The following GAS2 variants were observed in gnomAD, a reference collection of about 807,000 sequenced individuals.
GAS2 encodes the protein growth arrest-specific protein 2.
In GAS2, 20 loss-of-function variants were observed where a neutral mutation model predicts 37.5. The ratio of observed to expected loss-of-function variants is 0.53; its 90% CI spans 0.37 to 0.77. The LOEUF (loss-of-function observed/expected upper bound fraction) is 0.77. Among genes scored for constraint, GAS2 ranks in the 30% least tolerant of loss-of-function variants. GAS2 has a pLI of 0.00. For synonymous variants in GAS2, 144 were observed against 132.2 expected (o/e 1.09, Z -0.61); for missense variants, 336 against 373.4 (o/e 0.90, Z 0.82).
chr11:22,750,921 T>C (rs909176112), intron 6 of GAS2, among the ~76,000 whole-genome samples: 13 of 151,952 alleles, frequency 8.6e-5, no homozygotes, highest in African/African-American at 3.1e-4. Flanking sequence ...GTCCCTCTTA[T>C]CCTCCTATTG....
At chr11:22,765,825 T>A (rs1312482424) in intron 7 of GAS2, among the ~76,000 whole-genome samples, 1 of 151,146 alleles carries the variant, frequency 6.6e-6, no homozygotes, top group Admixed American at 6.6e-5. Context: ...TTATAAAGAA[T>A]ATAGGTTTAA....
chr11:22,688,638 A>T (rs1185067611), intron 3 of GAS2, among the ~76,000 whole-genome samples: 1 of 152,124 alleles, frequency 6.6e-6, no homozygotes, highest in African/African-American at 2.4e-5. Context: ...AAAGAAAAGA[A>T]TTTTTTTCAG....
At chr11:22,799,022 A>C (rs1049940303) in intron 7 of GAS2, among the ~76,000 whole-genome samples, 3 of 152,070 alleles carry the variant, frequency 2.0e-5, no homozygotes, top group African/African-American at 7.2e-5. Context: ...TTTTCTCTCG[A>C]GTTATGATGG....
Position 22,802,208 on chromosome 11 carries a change from A to G in GAS2, c.724-9590A>G, listed in dbSNP as rs1590147791. Reference sequence around the variant, plus strand: ...TCATTCTGAGCAAACTATCACAAGGACAGAAAACCAAACACTGCATGTTCT... The same window carrying G: ...TCATTCTGAGCAAACTATCACAAGGGCAGAAAACCAAACACTGCATGTTCT... On this transcript the variant is annotated intron_variant, in intron 7 of 7. Transcript: ENST00000454584. 3.9e-5 allele frequency among the ~76,000 whole-genome samples: 6 copies of G among 152,160 alleles called. 1 individual carries two copies. Among genetic ancestry groups the G allele is most frequent in the Admixed American group, 3.9e-4 (6 of 15,256 alleles).
chr11:22,684,055 G>A (rs1343093789), intron 2 of GAS2, among the ~76,000 whole-genome samples: 2 of 152,190 alleles, frequency 1.3e-5, no homozygotes, highest in Non-Finnish European at 2.9e-5. Flanking sequence ...GAGGTAGAAG[G>A]TAGGGCATTG....
rs180837984 is a variant in GAS2 at position 22,676,903 on chromosome 11, A to G, written c.145+1889A>G. 4.8e-3 allele frequency among the ~76,000 whole-genome samples: 734 copies of G among 152,290 alleles called. 2 individuals carry two copies. Among genetic ancestry groups the G allele is most frequent in the Non-Finnish European group, 8.1e-3 (548 of 68,028 alleles). On this transcript the variant is annotated intron_variant, in intron 2 of 7. Coordinates refer to ENST00000454584, the MANE Select transcript of GAS2 (RefSeq NM_001143830.3). ...TATAATCTGTAAAATAAATACCATA[A>G]TAAAACCAACCTTATGGAATTGTTG...
At chr11:22,694,737 A>G (rs1278375840) in intron 3 of GAS2, among the ~76,000 whole-genome samples, 1 of 152,204 alleles carries the variant, frequency 6.6e-6, no homozygotes, top group Non-Finnish European at 1.5e-5. Flanking sequence ...AATTTGGGAC[A>G]TCTTATTAGT....
chr11:22,670,584 G>A (rs1849159867), intron 1 of GAS2, among the ~76,000 whole-genome samples: 1 of 151,898 alleles, frequency 6.6e-6, no homozygotes, highest in African/African-American at 2.4e-5. Flanking sequence ...TTTTATTTTG[G>A]CACATTTCTG....
At chr11:22,675,480 T>A (rs1251080637) in intron 2 of GAS2, among the ~76,000 whole-genome samples, 1 of 152,174 alleles carries the variant, frequency 6.6e-6, no homozygotes, top group Non-Finnish European at 1.5e-5. Context: ...CCAAATGAGC[T>A]GACTAGAGTC....
intron 6 of GAS2, among the ~76,000 whole-genome samples, chr11:22,753,694 A>G (rs1205856430): frequency 1.3e-5 from 2 of 152,082 alleles, no homozygotes; most frequent in Non-Finnish European, 2.9e-5. Flanking sequence ...CCCTTTCTTC[A>G]TCCTTGCTTT....
intron 1 of GAS2, 107 bp downstream of exon 1, chr11:22,667,006 C>T (rs1430926589): frequency 1.3e-5 from 2 of 152,132 alleles, no homozygotes; most frequent in African/African-American, 2.4e-5. Context: ...CCCGGGGCGG[C>T]GGGGGAGGGG....
At chr11:22,646,771 T>C (rs1461023603) in intron 1 of GAS2, among the ~76,000 whole-genome samples, 1 of 152,118 alleles carries the variant, frequency 6.6e-6, no homozygotes, top group East Asian at 1.9e-4. Context: ...CCTAGTTAAG[T>C]GGTATTGACA....
chr11:22,693,912 A>T (rs1375740169), intron 3 of GAS2, among the ~76,000 whole-genome samples: 1 of 152,174 alleles, frequency 6.6e-6, no homozygotes, highest in African/African-American at 2.4e-5. Flanking sequence ...TTTGTTATAC[A>T]AAGAAACCCA....
At chr11:22,647,066 TC>T (rs1471648207) in intron 1 of GAS2, among the ~76,000 whole-genome samples, 4 of 140,090 alleles carry the variant, frequency 2.9e-5, no homozygotes, top group African/African-American at 5.4e-5. Flanking sequence ...ATGCTATCCT[TC>T]CCCCCTCCCC....
chr11:22,699,820 C>T (rs980430586), intron 3 of GAS2, among the ~76,000 whole-genome samples: 6 of 152,168 alleles, frequency 3.9e-5, no homozygotes, highest in Non-Finnish European at 7.3e-5. Flanking sequence ...TAGCTGTTAA[C>T]TTTATTGTAT....
At chr11:22,737,948 T>C (rs1250282332) in intron 5 of GAS2, among the ~76,000 whole-genome samples, 180 bp downstream of exon 5, 2 of 152,216 alleles carry the variant, frequency 1.3e-5, no homozygotes, top group African/African-American at 4.8e-5. Context: ...GTGCCACCAA[T>C]ATTCCTAACC....
rs549157527 is a variant in GAS2, at chr11:22,707,450, T to C, written c.268-18842T>C. On this transcript the variant is annotated intron_variant, in intron 3 of 7. Transcript: ENST00000454584. ...TTCAGTTGTAAGCTGTTAAGATCCA[T>C]ACTTTTAAAAGTCACAAATGTTTAT... is the stretch of plus-strand genomic sequence containing the variant. 2.0e-3 allele frequency among the ~76,000 whole-genome samples: 303 copies of C among 152,320 alleles called. 1 individual carries two copies. The highest frequency in any genetic ancestry group is 7.0e-3 in the African/African-American group (290 of 41,574).
intron 1 of GAS2, among the ~76,000 whole-genome samples, chr11:22,647,740 C>T (rs1318151900): frequency 1.1e-4 from 16 of 152,084 alleles, no homozygotes; most frequent in Non-Finnish European, 2.4e-4. Flanking sequence ...AGTGTCTGTT[C>T]ATGTCCTTCG....
intron 1 of GAS2, among the ~76,000 whole-genome samples, chr11:22,669,948 G>C (rs972094250): frequency 7.9e-5 from 12 of 152,156 alleles, no homozygotes; most frequent in Non-Finnish European, 1.5e-4. Context: ...TATTTTGTGA[G>C]ATACTATTAA....
Sources: allele counts gnomAD v4.1 joint callset (sites outside exome capture counted in the v4.1 genomes callset), GRCh38; gene constraint gnomAD v4.1.1; transcripts MANE v1.5; gene names NCBI Gene and HGNC (gene_info 2026-07-23, HGNC 2026-07-21).